KMT2C: variants seen among roughly 807,000 people sequenced by gnomAD.
The protein encoded by KMT2C is histone-lysine N-methyltransferase 2C.
KMT2C carries 88 observed loss-of-function variants against 507.9 expected under a neutral mutation model. The ratio of observed to expected loss-of-function variants is 0.17; its 90% CI spans 0.15 to 0.21. The LOEUF is 0.21. KMT2C is among the 10% of genes least tolerant of loss of function. The pLI is 1.00. For missense variants in KMT2C, 4,954 were observed against 5,957.8 expected, an observed-to-expected ratio of 0.83 and a Z score of 5.55; for synonymous variants, 2,049 against 2,080.8, an observed-to-expected ratio of 0.98 and a Z score of 0.42.
intron 11 of KMT2C, 111 bp downstream of exon 11, chr7:152,251,828 G>T: frequency 1.6e-6 from 1 of 625,620 alleles, no homozygotes; most frequent in Non-Finnish European, 2.5e-6. Flanking sequence ...AGAACAAGAT[G>T]GAATCTGGAA....
Position 152,145,665 on chromosome 7 carries a change from T to C in KMT2C, c.14032-370A>G, listed in dbSNP as rs117408030. ...GATTCGCATTGAGTTCTTTCCCCTG[T>C]ATTAATGCCAACTTTTATATCTCTG... is the stretch of plus-strand genomic sequence containing the variant. On this transcript the variant is annotated intron_variant, in intron 53 of 58. Transcript: ENST00000262189. Among the ~76,000 whole-genome samples, 1,161 of 152,362 alleles carry C rather than the reference T, an allele frequency of 7.6e-3. 15 individuals carry two copies. Among genetic ancestry groups the C allele is most frequent in the Middle Eastern group, 0.044 (13 of 294 alleles).
At chr7:152,298,717 G>GT (rs1372151249) in intron 6 of KMT2C, among the ~76,000 whole-genome samples, 4 of 152,130 alleles carry the variant, frequency 2.6e-5, no homozygotes, top group African/African-American at 9.7e-5. Flanking sequence ...CACCACAGTG[G>GT]TAACTATATG....
Position 152,311,435 on chromosome 7 carries a change from A to G in KMT2C, c.739+363T>C, listed in dbSNP as rs2096670687. 2.6e-5 allele frequency among the ~76,000 whole-genome samples: 4 copies of G among 152,232 alleles called. No individual in the cohort carries two copies. In the South Asian group the frequency reaches 8.3e-4, roughly 32 times the overall value. On this transcript the variant is annotated intron_variant, in intron 5 of 58. Coordinates refer to ENST00000262189, the MANE Select transcript of KMT2C (RefSeq NM_170606.3). ...AAGATAATCTACCCGGCTAAGACCT[A>G]TTTTCATTCATGCCCAAATAAAATA...
chr7:152,264,567 A>T (rs2095832087), intron 8 of KMT2C, among the ~76,000 whole-genome samples: 1 of 152,178 alleles, frequency 6.6e-6, no homozygotes. Flanking sequence ...CCTTCCTGGA[A>T]TGGAAATTCA....
intron 55 of KMT2C, among the ~76,000 whole-genome samples, chr7:152,143,947 G>A (rs1302121382): frequency 6.6e-6 from 1 of 152,216 alleles, no homozygotes; most frequent in Non-Finnish European, 1.5e-5. Context: ...GTGATATGTG[G>A]CTCAAGATAG....
intron 23 of KMT2C, among the ~76,000 whole-genome samples, chr7:152,208,610 G>A (rs900406015): frequency 6.6e-6 from 1 of 152,084 alleles, no homozygotes; most frequent in Non-Finnish European, 1.5e-5. Context: ...TTTAGAGAAT[G>A]CTATTTTAAC....
In KMT2C at chr7:152,144,681, C is replaced by T. The variant is rs759670235; in HGVS notation, c.14343+32G>A. On this transcript the variant is annotated intron_variant, in intron 55 of 58. Transcript: ENST00000262189. This position sits in a 1 kb window ranked among gnomAD's most constrained non-coding sequence, Gnocchi z 4.4. ...CAGATTGCTAGACTCCACCCTGTCT[C>T]TCCACTTCCTGTACACAAAGTATTT... is the stretch of plus-strand genomic sequence containing the variant. The T allele has an allele frequency of 4.4e-6, 7 of 1,597,414 alleles. No individual in the cohort carries two copies. The South Asian group carries it at 7.8e-5, about 18-fold the overall frequency.
At chr7:152,155,566 C>A (rs1418689724) in intron 46 of KMT2C, among the ~76,000 whole-genome samples, 1 of 152,166 alleles carries the variant, frequency 6.6e-6, no homozygotes, top group African/African-American at 2.4e-5. Flanking sequence ...CAATAAATCA[C>A]ATTAATACCC....
At chr7:152,187,658 T>C (rs1053190547) in intron 32 of KMT2C, 57 bp downstream of exon 32, 3 of 1,570,424 alleles carry the variant, frequency 1.9e-6, no homozygotes, top group Non-Finnish European at 2.6e-6. Context: ...CTAATTTATA[T>C]ATAAATCAAA....
intron 53 of KMT2C, among the ~76,000 whole-genome samples, chr7:152,146,272 A>C (rs1004218863): frequency 2.0e-5 from 3 of 152,172 alleles, no homozygotes; most frequent in African/African-American, 7.2e-5. Flanking sequence ...CTGAGGTGGG[A>C]GAAACTTCAG....
At chr7:152,360,924 C>T (rs754785736) in intron 1 of KMT2C, among the ~76,000 whole-genome samples, 12 of 147,764 alleles carry the variant, frequency 8.1e-5, no homozygotes, top group Non-Finnish European at 1.8e-4. Context: ...ATCAAAAAGT[C>T]GGTCTTAACC....
chr7:152,215,587 A>G (rs2094556463), intron 23 of KMT2C, among the ~76,000 whole-genome samples: 1 of 150,820 alleles, frequency 6.6e-6, no homozygotes, highest in Non-Finnish European at 1.5e-5. Context: ...AGAACAGGTA[A>G]GTTAAATTGC....
intron 1 of KMT2C, among the ~76,000 whole-genome samples, chr7:152,369,599 TGTC>T (rs956347788): frequency 2.8e-4 from 42 of 152,294 alleles, no homozygotes; most frequent in African/African-American, 9.6e-4. Context: ...GAGGGATTAA[TGTC>T]GTTCTGAAAG....
At chr7:152,337,438 T>C (rs1276538313) in intron 2 of KMT2C, among the ~76,000 whole-genome samples, 1 of 152,212 alleles carries the variant, frequency 6.6e-6, no homozygotes, top group Non-Finnish European at 1.5e-5. Flanking sequence ...GTTCATAACA[T>C]ACCCTCTTTT....
intron 1 of KMT2C, among the ~76,000 whole-genome samples, chr7:152,418,777 A>G (rs974102208): frequency 1.3e-5 from 2 of 152,178 alleles, no homozygotes; most frequent in Non-Finnish European, 2.9e-5. Context: ...AAATGTTATA[A>G]AAGATTAACA....
intron 6 of KMT2C, among the ~76,000 whole-genome samples, chr7:152,285,123 T>C (rs564848891): frequency 6.6e-5 from 10 of 152,420 alleles, no homozygotes; most frequent in African/African-American, 2.4e-4. Context: ...AGCAGCTTTA[T>C]ATACTGGCCA....
At chr7:152,264,135 G>A (rs1038387533) in intron 8 of KMT2C, among the ~76,000 whole-genome samples, 19 of 152,108 alleles carry the variant, frequency 1.2e-4, no homozygotes, top group African/African-American at 1.7e-4. Context: ...ATAAGGTATC[G>A]AATAAATGTT....
intron 1 of KMT2C, among the ~76,000 whole-genome samples, chr7:152,423,720 A>G (rs969840614): frequency 1.3e-5 from 2 of 152,230 alleles, no homozygotes; most frequent in African/African-American, 2.4e-5. Flanking sequence ...GGGGTTTTCA[A>G]TCACATAAAG....
chr7:152,319,106 C>T (rs1303343759), intron 3 of KMT2C, among the ~76,000 whole-genome samples: 2 of 152,054 alleles, frequency 1.3e-5, no homozygotes. Flanking sequence ...ATAAAATTAC[C>T]TTCAGGCTAT....
Sources: gnomAD v4.1 joint callset for allele counts (sites outside exome capture counted in the v4.1 genomes callset) on GRCh38, gnomAD v4.1.1 for gene constraint, Gnocchi (gnomAD v3.1) non-coding constraint, MANE v1.5 for transcripts, NCBI Gene and HGNC (gene_info 2026-07-23, HGNC 2026-07-21) for gene names.